Variants in SATB2 observed in about 807,000 individuals in gnomAD.
The protein encoded by SATB2 is DNA-binding protein SATB2.
SATB2 carries 1 observed loss-of-function variant against 73.4 expected under a neutral mutation model. The observed-to-expected ratio is 0.01, with a 90% CI of 0.00 to 0.06. SATB2 has a LOEUF of 0.06. SATB2 is among the 10% of genes least tolerant of loss of function. The probability of loss-of-function intolerance (pLI) is 1.00; values close to 1 mark genes in which losing one functional copy is unlikely to be tolerated. For missense variants in SATB2, 459 were observed against 945.8 expected (o/e 0.49, Z 6.75); for synonymous variants, 397 against 367.0 (o/e 1.08, Z -0.93).
intron 7 of SATB2, among the ~76,000 whole-genome samples, chr2:199,344,697 A>T (rs1358707890): frequency 6.6e-6 from 1 of 152,144 alleles, no homozygotes; most frequent in Non-Finnish European, 1.5e-5. Flanking sequence ...AACCACAATG[A>T]TTGGTATCAT....
At chr2:199,428,202 C>A (rs1396789037) in intron 3 of SATB2, among the ~76,000 whole-genome samples, 9 of 152,140 alleles carry the variant, frequency 5.9e-5, no homozygotes, top group Non-Finnish European at 1.2e-4. Context: ...CTACTATAGG[C>A]CCTCTACAAG....
intron 3 of SATB2, among the ~76,000 whole-genome samples, chr2:199,415,617 G>A (rs573427861): frequency 6.6e-6 from 1 of 152,318 alleles, no homozygotes; most frequent in East Asian, 1.9e-4. Flanking sequence ...TGATGGAAAA[G>A]TGAATACTTC....
At chr2:199,422,170 C>A (rs969791449) in intron 3 of SATB2, among the ~76,000 whole-genome samples, 1 of 152,132 alleles carries the variant, frequency 6.6e-6, no homozygotes, top group Non-Finnish European at 1.5e-5. Flanking sequence ...ATATTGCATA[C>A]ATCTGACCTC....
rs34507550 is a variant in SATB2 at position 199,392,416 on chromosome 2, GA to G, written c.347-10597del. 8.3e-3 allele frequency among the ~76,000 whole-genome samples: 1,206 copies of G among 145,274 alleles called. 6 individuals carry two copies. The highest frequency in any genetic ancestry group is 0.024 in the Middle Eastern group (7 of 286). On this transcript the variant is annotated intron_variant, in intron 3 of 10. Coordinates refer to ENST00000417098, the MANE Select transcript of SATB2 (RefSeq NM_001172509.2). ...CATAGGCTGAATAGACAATACCCAG[GA>G]AAAAAAAAAATAGTTTCTTGTGTAT...
At chr2:199,300,703 G>A (rs962636664) in intron 10 of SATB2, among the ~76,000 whole-genome samples, 2 of 152,194 alleles carry the variant, frequency 1.3e-5, no homozygotes, top group East Asian at 3.9e-4. Flanking sequence ...AACCAAGAGA[G>A]TAAGGTGCAG....
At position 199,368,532 on chromosome 2, in the gene SATB2, A is replaced by C; in HGVS notation, c.700+73T>G. ...GTAAATTGTATCTAAAATGAGCATA[A>C]ATTCCAAACAACCAACAACTCATGA... is the stretch of plus-strand genomic sequence containing the variant. On this transcript the variant is annotated intron_variant, in intron 6 of 10. Coordinates refer to ENST00000417098, the MANE Select transcript of SATB2 (RefSeq NM_001172509.2). The C allele has an allele frequency of 1.1e-6, 1 of 880,154 alleles. No individual in the cohort carries two copies. Among genetic ancestry groups the C allele is most frequent in the Admixed American group, 1.8e-5 (1 of 56,532 alleles). 54.5% of individuals were successfully genotyped at this position (880,154 alleles called of 1,614,324 possible). A position where few individuals can be genotyped will look rare whatever the true frequency, so the allele number is the denominator to read the frequency against.
At chr2:199,304,976 C>T (rs1345409310) in intron 10 of SATB2, among the ~76,000 whole-genome samples, 1 of 152,092 alleles carries the variant, frequency 6.6e-6, no homozygotes, top group East Asian at 1.9e-4. Flanking sequence ...TGCCATCAAA[C>T]ATGCACTTAA....
chr2:199,395,318 C>G (rs1159378120), intron 3 of SATB2, among the ~76,000 whole-genome samples: 3 of 152,202 alleles, frequency 2.0e-5, no homozygotes, highest in Middle Eastern at 3.4e-3. Context: ...AGTAGTTGAC[C>G]AAGTTACCCA....
chr2:199,411,185 A>G (rs1690801224), intron 3 of SATB2, among the ~76,000 whole-genome samples: 2 of 151,986 alleles, frequency 1.3e-5, no homozygotes, highest in South Asian at 2.1e-4. Flanking sequence ...GCCACCTGTG[A>G]CGGGTTCTTT....
chr2:199,425,945 T>C (rs1350674758), intron 3 of SATB2, among the ~76,000 whole-genome samples: 1 of 152,164 alleles, frequency 6.6e-6, no homozygotes, highest in Non-Finnish European at 1.5e-5. Flanking sequence ...ATGGGGTCTG[T>C]TGAAGAATTG....
upstream of SATB2, among the ~76,000 whole-genome samples, chr2:199,462,874 G>A (rs1232461586): frequency 6.6e-6 from 1 of 151,948 alleles, no homozygotes; most frequent in Non-Finnish European, 1.5e-5. The surrounding 1 kb of genome is among the most constrained non-coding windows in gnomAD (Gnocchi z 5.9). Context: ...GGCTAGTGGG[G>A]CCGACCGTTC....
chr2:199,347,545 C>T (rs752161178), intron 7 of SATB2: 6 of 152,146 alleles, frequency 3.9e-5, no homozygotes, highest in Non-Finnish European at 7.3e-5. Context: ...TACATATGTG[C>T]TTGCCCATTA....
intron 7 of SATB2, among the ~76,000 whole-genome samples, chr2:199,340,647 C>T (rs924990123): frequency 3.3e-5 from 5 of 152,148 alleles, no homozygotes; most frequent in African/African-American, 1.2e-4. Flanking sequence ...GTTTCATTTT[C>T]AAATGATACA....
At chr2:199,386,694 AAG>A (rs370457286) in intron 3 of SATB2, among the ~76,000 whole-genome samples, 134,372 of 142,724 alleles carry the variant, frequency 0.94, 63,595 homozygotes, top group Non-Finnish European at 0.99. Flanking sequence ...ACACGTGCGC[AAG>A]CGCGCGCGCG....
chr2:199,358,871 C>G (rs991258174), intron 6 of SATB2, among the ~76,000 whole-genome samples: 1 of 152,182 alleles, frequency 6.6e-6, no homozygotes, highest in Non-Finnish European at 1.5e-5. Context: ...TCTCCACCCT[C>G]TGTACCAGAA....
rs925946451 is a variant in SATB2, at chr2:199,308,012, C to A, written c.1740+748G>T. Among the ~76,000 whole-genome samples, 1 of 152,136 alleles carries A rather than the reference C, an allele frequency of 6.6e-6. No homozygotes were observed. The highest frequency in any genetic ancestry group is 1.5e-5 in the Non-Finnish European group (1 of 68,028). On this transcript the variant is annotated intron_variant, in intron 10 of 10. Coordinates refer to ENST00000417098, the MANE Select transcript of SATB2 (RefSeq NM_001172509.2). This position sits in a 1 kb window ranked among gnomAD's most constrained non-coding sequence, Gnocchi z 4.6. ...GGCAGCAGGCCCATCTTATAACCTA[C>A]CAAAACAATTTGTGGGCCAAACTCT...
chr2:199,445,296 T>C (rs966690360), intron 2 of SATB2, among the ~76,000 whole-genome samples: 5 of 152,352 alleles, frequency 3.3e-5, no homozygotes, highest in Non-Finnish European at 7.3e-5. Flanking sequence ...ATTTATGCTC[T>C]GACCCTGCGC....
At chr2:199,440,737 G>A (rs16831510) in intron 2 of SATB2, among the ~76,000 whole-genome samples, 15 of 151,946 alleles carry the variant, frequency 9.9e-5, no homozygotes, top group African/African-American at 2.2e-4. Flanking sequence ...AACTCTTATC[G>A]TAGAGGAAGC....
chr2:199,371,937 T>C (rs1689460579), intron 5 of SATB2, among the ~76,000 whole-genome samples: 1 of 152,162 alleles, frequency 6.6e-6, no homozygotes, highest in Non-Finnish European at 1.5e-5. Context: ...TCGCTTTGCA[T>C]GGTGGTGGGC....
Sources: allele counts gnomAD v4.1 joint callset (sites outside exome capture counted in the v4.1 genomes callset), GRCh38; gene constraint gnomAD v4.1.1; non-coding constraint Gnocchi (gnomAD v3.1); transcripts MANE v1.5; gene names NCBI Gene and HGNC (gene_info 2026-07-23, HGNC 2026-07-21).